The following ZBTB38 variants were observed in gnomAD, a reference collection of about 807,000 sequenced individuals.
ZBTB38 encodes zinc finger and BTB domain containing 38.
In ZBTB38, 20 loss-of-function variants were observed where a neutral mutation model predicts 76.8. The observed-to-expected ratio is 0.26, with a 90% CI of 0.18 to 0.38. The LOEUF (loss-of-function observed/expected upper bound fraction) is 0.38, where lower values mean the gene tolerates loss of function less well. ZBTB38 is among the 10% of genes least tolerant of loss of function. The pLI is 1.00. For synonymous variants in ZBTB38, 504 were observed against 544.2 expected, an observed-to-expected ratio of 0.93 and a Z score of 1.03; for missense variants, 1,082 against 1,482.3, an observed-to-expected ratio of 0.73 and a Z score of 4.43.
chr3:141,415,860 T>C (rs546750245), intron 5 of ZBTB38, among the ~76,000 whole-genome samples: 50 of 152,306 alleles, frequency 3.3e-4, no homozygotes, highest in African/African-American at 1.2e-3. Context: ...CCCACTGACC[T>C]TCTGGCCTTG....
intron 1 of ZBTB38, among the ~76,000 whole-genome samples, chr3:141,354,040 C>T (rs746934850): frequency 2.6e-5 from 4 of 152,110 alleles, no homozygotes; most frequent in African/African-American, 7.2e-5. Context: ...TTGTTGATTT[C>T]GTAAGTCAAT....
chr3:141,431,341 A>AAAAAATATATATATAT lies in ZBTB38; in HGVS notation c.1-11047_1-11046insAAAATATATATATATA. On this transcript the variant is annotated intron_variant, in intron 5 of 5. Coordinates refer to ENST00000321464, the MANE Select transcript of ZBTB38 (RefSeq NM_001376113.1). The stretch of plus-strand genomic sequence containing the variant: ...TTCGTCTCAAAAAAAAAAAAAAAAA[A>AAAAAATATATATATAT]ATATATATATATATTTGGGGGGGAC... 7.0e-4 allele frequency among the ~76,000 whole-genome samples: 72 copies of AAAAAATATATATATAT among 103,240 alleles called. 1 individual carries two copies. Among genetic ancestry groups the AAAAAATATATATATAT allele is most frequent in the African/African-American group, 4.2e-3 (70 of 16,700 alleles). The allele number at this position is 103,240 out of a possible 152,430, so 67.7% of individuals were successfully genotyped here.
Position 141,334,624 on chromosome 3 carries a change from G to A in ZBTB38, c.-739+10168G>A, listed in dbSNP as rs78449844. Among the ~76,000 whole-genome samples the A allele has an allele frequency of 6.2e-3, 945 of 151,952 alleles. 10 individuals carry two copies. Among genetic ancestry groups the A allele is most frequent in the African/African-American group, 0.021 (867 of 41,412 alleles). On this transcript the variant is annotated intron_variant, in intron 1 of 7. Transcript: ENST00000509842. ...CCCTGTCTGTCCCTCTCCCCTTCTC[G>A]CACATGGGGATGAGATACTCTCTCA... is the stretch of plus-strand genomic sequence containing the variant.
rs982966975 is a variant in ZBTB38, at chr3:141,449,782, A to G, written c.*3806A>G. 1.3e-5 allele frequency: 2 copies of G among 152,252 alleles called. No homozygotes were observed. Among genetic ancestry groups the G allele is most frequent in the Non-Finnish European group, 2.9e-5 (2 of 68,044 alleles). The allele number at this position is 152,252 out of a possible 1,614,324, so 9.4% of individuals were successfully genotyped here. ...CTGTAACAATTGGGAAAGTAAAAGC[A>G]TAAAACAAAAGTGTTAGTATATTTT... is the stretch of plus-strand genomic sequence containing the variant. On this transcript the variant is annotated 3_prime_UTR_variant, in exon 6 of 6. Transcript: ENST00000321464.
intron 4 of ZBTB38, among the ~76,000 whole-genome samples, chr3:141,397,168 A>G (rs1010820312): frequency 1.3e-5 from 2 of 152,244 alleles, no homozygotes; most frequent in Non-Finnish European, 2.9e-5. Context: ...GATCTTCTGG[A>G]TAACTTGCTG....
At chr3:141,344,827 T>C (rs1321230460) in intron 1 of ZBTB38, among the ~76,000 whole-genome samples, 1 of 152,230 alleles carries the variant, frequency 6.6e-6, no homozygotes, top group Non-Finnish European at 1.5e-5. Context: ...TTTCCCCACC[T>C]CAAGGTCCAT....
In ZBTB38 at chr3:141,352,345, C is replaced by G. The variant is rs550992663; in HGVS notation, c.-738-16276C>G. ...TTACACAAATAAATATGTCTGTGTC[C>G]TCAAGGTATGTATAGACTATGAAAG... On this transcript the variant is annotated intron_variant, in intron 1 of 7. Transcript: ENST00000509842. Among the ~76,000 whole-genome samples, 4 of 152,068 alleles carry G rather than the reference C, an allele frequency of 2.6e-5. No individual in the cohort carries two copies. The South Asian group carries it at 8.3e-4, about 32-fold the overall frequency.
At chr3:141,430,618 G>C (rs1165187773) in intron 5 of ZBTB38, among the ~76,000 whole-genome samples, 1 of 152,182 alleles carries the variant, frequency 6.6e-6, no homozygotes. Context: ...TCACTGTCTT[G>C]CAGGAGAACC....
chr3:141,388,244 C>T (rs1279280910), intron 4 of ZBTB38: 5 of 151,784 alleles, frequency 3.3e-5, no homozygotes, highest in East Asian at 1.9e-4. Flanking sequence ...TTTCAAAGAG[C>T]GTAAACAAGC....
chr3:141,443,045 C>A lies in ZBTB38; in HGVS notation c.657C>A (p.Ala219=). 2 of 1,614,226 alleles carry A rather than the reference C, an allele frequency of 1.2e-6. No homozygotes were observed. The highest frequency in any genetic ancestry group is 1.7e-6 in the Non-Finnish European group (2 of 1,180,050). Residue 219 remains alanine, a synonymous_variant, in exon 6 of 6, where the codon GCC becomes GCA. Coordinates refer to ENST00000321464, the MANE Select transcript of ZBTB38 (RefSeq NM_001376113.1). The surrounding 1 kb of genome is among the most constrained non-coding windows in gnomAD (Gnocchi z 5.6). The part of the protein sequence containing the change: ...CHEAEPVRTL[A]EHSYAVSSVA... Reference sequence around the variant, plus strand: ...AGGCAGAGCCTGTCCGCACACTTGCCGAGCACTCATACGCTGTTTCTTCCG... The same window carrying A: ...AGGCAGAGCCTGTCCGCACACTTGCAGAGCACTCATACGCTGTTTCTTCCG...
chr3:141,443,586 C>A lies in ZBTB38; in HGVS notation c.1198C>A (p.Pro400Thr). 1 of 1,614,180 alleles carries A rather than the reference C, an allele frequency of 6.2e-7. No homozygotes were observed. Among genetic ancestry groups the A allele is most frequent in the African/African-American group, 1.3e-5 (1 of 75,030 alleles). The change falls in exon 6 of 6, where the codon CCC becomes ACC. Residue 400 changes from proline to threonine, a missense_variant. Physicochemically the swap from Pro to Thr is conservative, Grantham distance 38 (BLOSUM62 -1). Coordinates refer to ENST00000321464, the MANE Select transcript of ZBTB38 (RefSeq NM_001376113.1). This position sits in a 1 kb window ranked among gnomAD's most constrained non-coding sequence, Gnocchi z 5.6. ...EQICMRSSHM[P>T]IPGGNQRFLE... is the part of the protein sequence containing the mutation. ...GATCTGCATGAGGTCAAGCCACATG[C>A]CCATTCCTGGAGGAAACCAACGCTT...
At chr3:141,411,938 ATCTCTTTT>A (rs1956796424) in intron 5 of ZBTB38, among the ~76,000 whole-genome samples, 1 of 152,204 alleles carries the variant, frequency 6.6e-6, no homozygotes, top group Non-Finnish European at 1.5e-5. Context: ...CATTTGAAGA[ATCTCTTTT>A]AAGAGTTTCT....
chr3:141,349,137 TC>T (rs1159696141), intron 1 of ZBTB38, among the ~76,000 whole-genome samples: 1 of 152,118 alleles, frequency 6.6e-6, no homozygotes, highest in Non-Finnish European at 1.5e-5. Flanking sequence ...CTACCTTTTC[TC>T]CCTCACTCCA....
chr3:141,445,599 T>C lies in ZBTB38; in HGVS notation c.3211T>C (p.Cys1071Arg). The stretch of plus-strand genomic sequence containing the variant: ...CTTGAAGGAGTTCGTCTGTCAGTAT[T>C]GCAACAAGGCATTCACCTTGAATGA... ...LGLKEFVCQY[C>R]NKAFTLNETL... The change falls in exon 6 of 6, where the codon TGC becomes CGC. Residue 1071 changes from cysteine to arginine, a missense_variant. Physicochemically the swap from Cys to Arg is radical, Grantham distance 180 (BLOSUM62 -3). Transcript: ENST00000321464. This position sits in a 1 kb window ranked among gnomAD's most constrained non-coding sequence, Gnocchi z 6.5. The C allele has an allele frequency of 6.2e-7, 1 of 1,614,206 alleles. No homozygotes were observed. The highest frequency in any genetic ancestry group is 8.5e-7 in the Non-Finnish European group (1 of 1,180,030).
chr3:141,362,402 A>G (rs1943848196), intron 1 of ZBTB38, among the ~76,000 whole-genome samples: 2 of 152,186 alleles, frequency 1.3e-5, no homozygotes, highest in African/African-American at 4.8e-5. Context: ...AACCCCCCAC[A>G]TCATTAACAT....
At chr3:141,398,067 T>A (rs928898981) in intron 4 of ZBTB38, among the ~76,000 whole-genome samples, 1 of 152,232 alleles carries the variant, frequency 6.6e-6, no homozygotes, top group South Asian at 2.1e-4. Context: ...ATGTTTATAT[T>A]CTCCTTTTGA....
At position 141,442,489 on chromosome 3, in the gene ZBTB38, A is replaced by G. The variant is rs1331947530; in HGVS notation, c.101A>G (p.Asp34Gly). 6.2e-7 allele frequency: 1 copy of G among 1,614,210 alleles called. No homozygotes were observed. The change falls in exon 6 of 6, where the codon GAT becomes GGT. Residue 34 changes from aspartate to glycine, a missense_variant. This residue lies in a region of ZBTB38 where 68 missense variants were observed against 153.0 expected (regional missense o/e 0.44). Transcript: ENST00000321464. This position sits in a 1 kb window ranked among gnomAD's most constrained non-coding sequence, Gnocchi z 6.4. ...NEQRIRGILC[D>G]VTIIVEDTKF... Reference sequence around the variant, plus strand: ...CAGCGCATTCGGGGCATTTTATGCGATGTCACTATCATTGTGGAAGATACC... The same window carrying G: ...CAGCGCATTCGGGGCATTTTATGCGGTGTCACTATCATTGTGGAAGATACC...
chr3:141,412,751 T>C (rs1287958176), intron 5 of ZBTB38, among the ~76,000 whole-genome samples: 1 of 152,122 alleles, frequency 6.6e-6, no homozygotes, highest in Non-Finnish European at 1.5e-5. Flanking sequence ...AACAGCTCAC[T>C]GGAACTTAGC....
chr3:141,351,049 A>G (rs1412393142), intron 1 of ZBTB38, among the ~76,000 whole-genome samples: 2 of 152,234 alleles, frequency 1.3e-5, no homozygotes, highest in African/African-American at 4.8e-5. Context: ...AAAAAAATTT[A>G]TATTATAAAA....
Sources: gnomAD v4.1 joint callset for allele counts (sites outside exome capture counted in the v4.1 genomes callset) on GRCh38, gnomAD v4.1.1 for gene constraint, gnomAD v4.1.1 regional missense constraint, Gnocchi (gnomAD v3.1) non-coding constraint, MANE v1.5 for transcripts, NCBI Gene and HGNC (gene_info 2026-07-23, HGNC 2026-07-21) for gene names.